VPS41: variants seen among roughly 807,000 people sequenced by gnomAD.
VPS41 encodes VPS41 subunit of HOPS complex, also known as vacuolar protein sorting-associated protein 41 homolog.
A neutral mutation model predicts 130.9 loss-of-function variants in VPS41; 85 were observed. The observed-to-expected ratio is 0.65, with a 90% CI of 0.55 to 0.78. VPS41 has a LOEUF of 0.78. VPS41 is among the 30% of genes least tolerant of loss of function. VPS41 has a pLI of 0.00. For missense variants in VPS41, 874 were observed against 1,018.7 expected, an observed-to-expected ratio of 0.86 and a Z score of 1.93; for synonymous variants, 335 against 332.9, an observed-to-expected ratio of 1.01 and a Z score of -0.07.
chr7:38,830,768 T>C (rs73121399), intron 4 of VPS41, among the ~76,000 whole-genome samples: 12,005 of 152,198 alleles, frequency 0.079, 588 homozygotes, highest in African/African-American at 0.13. Context: ...TCTTGATCCC[T>C]AAATCACCAC....
intron 12 of VPS41, among the ~76,000 whole-genome samples, chr7:38,773,601 T>C (rs1335664922): frequency 1.3e-5 from 2 of 152,218 alleles, no homozygotes; most frequent in African/African-American, 2.4e-5. Flanking sequence ...TAAATATTAA[T>C]GGTTCTCCCT....
chr7:38,740,726 C>A (rs1384974360), intron 25 of VPS41, among the ~76,000 whole-genome samples: 1 of 152,140 alleles, frequency 6.6e-6, no homozygotes, highest in Non-Finnish European at 1.5e-5. Context: ...CATCTTTAGA[C>A]TTCTTCACTT....
At chr7:38,779,974 A>T (rs1231980539) in intron 10 of VPS41, among the ~76,000 whole-genome samples, 1 of 152,100 alleles carries the variant, frequency 6.6e-6, no homozygotes, top group African/African-American at 2.4e-5. Flanking sequence ...CGTAAAAATG[A>T]CTCTATTAAT....
intron 22 of VPS41, among the ~76,000 whole-genome samples, chr7:38,750,208 G>C (rs1446898895): frequency 6.6e-6 from 1 of 152,214 alleles, no homozygotes; most frequent in Non-Finnish European, 1.5e-5. Context: ...TCTTGAGTTA[G>C]TAATACTGTC....
At chr7:38,862,282 A>C (rs1562614441) in intron 4 of VPS41, among the ~76,000 whole-genome samples, 1 of 152,186 alleles carries the variant, frequency 6.6e-6, no homozygotes. Context: ...AATTAAATAG[A>C]TGTATAGATT....
chr7:38,827,622 G>C (rs1363897930), intron 5 of VPS41, among the ~76,000 whole-genome samples: 1 of 152,126 alleles, frequency 6.6e-6, no homozygotes, highest in African/African-American at 2.4e-5. Context: ...TGGGGAGAGG[G>C]AGGCACTGCC....
At chr7:38,757,288 A>C (rs764672244) in intron 18 of VPS41, among the ~76,000 whole-genome samples, 26 of 152,190 alleles carry the variant, frequency 1.7e-4, no homozygotes, top group Non-Finnish European at 2.9e-4. Context: ...TACAGCAAAG[A>C]AACTAGGATC....
intron 15 of VPS41, 45 bp from the exon 16 acceptor site, chr7:38,765,706 A>G (rs1408056132): frequency 8.1e-7 from 1 of 1,227,168 alleles, no homozygotes; most frequent in South Asian, 1.3e-5. Context: ...ATATATTAAA[A>G]AAACAAAAAA....
At chr7:38,833,720 A>G (rs1785436802) in intron 4 of VPS41, among the ~76,000 whole-genome samples, 1 of 152,208 alleles carries the variant, frequency 6.6e-6, no homozygotes, top group Admixed American at 6.5e-5. Context: ...AAACTCACTC[A>G]CTAGAATATT....
At chr7:38,741,566 A>G (rs900131132) in intron 25 of VPS41, among the ~76,000 whole-genome samples, 3 of 152,216 alleles carry the variant, frequency 2.0e-5, no homozygotes, top group African/African-American at 4.8e-5. Context: ...AAAAATTATT[A>G]CCTTACTGAA....
At chr7:38,792,090 G>A (rs1784546187) in intron 9 of VPS41, among the ~76,000 whole-genome samples, 1 of 152,180 alleles carries the variant, frequency 6.6e-6, no homozygotes, top group South Asian at 2.1e-4. Context: ...GCCACAGCTT[G>A]AGAACAAGGA....
At chr7:38,856,264 CCCTCCTGTCGTAG>C (rs1785982890) in intron 4 of VPS41, among the ~76,000 whole-genome samples, 1 of 152,076 alleles carries the variant, frequency 6.6e-6, no homozygotes, top group Admixed American at 6.6e-5. Flanking sequence ...GCTCAAGTGA[CCCTCCTGTCGTAG>C]CCTCCTGAGT....
intron 10 of VPS41, among the ~76,000 whole-genome samples, chr7:38,782,207 T>A (rs1784365901): frequency 6.6e-6 from 1 of 152,192 alleles, no homozygotes; most frequent in Non-Finnish European, 1.5e-5. Context: ...CAGTGTGAGT[T>A]GCCAGGGGTA....
chr7:38,893,889 C>A (rs1429243954), intron 2 of VPS41, among the ~76,000 whole-genome samples: 5 of 152,030 alleles, frequency 3.3e-5, no homozygotes, highest in African/African-American at 9.7e-5. Flanking sequence ...AAACATACGG[C>A]CAGTTTTTGG....
At chr7:38,883,140 G>C (rs1786648626) in intron 2 of VPS41, among the ~76,000 whole-genome samples, 1 of 152,220 alleles carries the variant, frequency 6.6e-6, no homozygotes, top group African/African-American at 2.4e-5. Flanking sequence ...CTATTCGAGA[G>C]GCTGAGGCAG....
chr7:38,764,899 G>A (rs992161530), intron 16 of VPS41, among the ~76,000 whole-genome samples: 1 of 152,076 alleles, frequency 6.6e-6, no homozygotes, highest in African/African-American at 2.4e-5. Flanking sequence ...AGGGAGGCAC[G>A]ACTGGATAAA....
chr7:38,832,193 T>C (rs1785399286), intron 4 of VPS41, among the ~76,000 whole-genome samples: 1 of 152,094 alleles, frequency 6.6e-6, no homozygotes, highest in Non-Finnish European at 1.5e-5. Context: ...CTCTTTTCTA[T>C]TTTTAGGGTA....
Position 38,754,698 on chromosome 7 carries a change from T to C in VPS41, c.1788+4A>G, listed in dbSNP as rs954729267. 3 of 1,612,864 alleles carry C rather than the reference T, an allele frequency of 1.9e-6. No homozygotes were observed. In the South Asian group the frequency reaches 3.3e-5, roughly 18 times the overall value. ...GGGCAAAAGGAGGAGACTGCCATGC[T>C]CACCACATGCTGTAGCTCTGGTCTG... is the stretch of plus-strand genomic sequence containing the variant. On this transcript the variant is annotated splice_donor_region_variant and intron_variant, in intron 21 of 28. Coordinates refer to ENST00000310301, the MANE Select transcript of VPS41 (RefSeq NM_014396.4).
chr7:38,791,748 A>C (rs1784540829), intron 9 of VPS41, among the ~76,000 whole-genome samples: 2 of 152,144 alleles, frequency 1.3e-5, no homozygotes. Context: ...AGAACCTTGG[A>C]AGTCATGTTT....
Sources: allele counts gnomAD v4.1 joint callset (sites outside exome capture counted in the v4.1 genomes callset), GRCh38; gene constraint gnomAD v4.1.1; transcripts MANE v1.5; gene names NCBI Gene and HGNC (gene_info 2026-07-23, HGNC 2026-07-21).